RNF24: variants seen among roughly 807,000 people sequenced by gnomAD.
RNF24 encodes the protein ring finger protein 24.
In RNF24, 14 loss-of-function variants were observed where a neutral mutation model predicts 20.0. That is an observed-to-expected ratio of 0.70 (90% CI 0.46 to 1.10). The LOEUF (loss-of-function observed/expected upper bound fraction) is 1.10, where lower values mean the gene tolerates loss of function less well. Ranked by LOEUF, RNF24 falls within the 50% of genes least tolerant of loss-of-function variation. The pLI, the probability that RNF24 is intolerant of heterozygous loss-of-function variation, is 0.00. For missense variants in RNF24, 124 were observed against 177.6 expected (o/e 0.70, Z 1.71); for synonymous variants, 45 against 61.1 (o/e 0.74, Z 1.23).
intron 4 of RNF24, among the ~76,000 whole-genome samples, chr20:3,941,086 C>CAA (rs2090949592): frequency 6.6e-6 from 1 of 152,124 alleles, no homozygotes; most frequent in African/African-American, 2.4e-5. Flanking sequence ...TGCAGTGGCG[C>CAA]AATCAAGGCT....
intron 1 of RNF24, among the ~76,000 whole-genome samples, chr20:3,970,903 A>C (rs1172791849): frequency 6.6e-6 from 1 of 152,010 alleles, no homozygotes; most frequent in Non-Finnish European, 1.5e-5. Flanking sequence ...AAAATTATCC[A>C]GGCATGGTGG....
chr20:3,943,197 T>C (rs2090977990), intron 4 of RNF24, among the ~76,000 whole-genome samples: 1 of 152,022 alleles, frequency 6.6e-6, no homozygotes, highest in East Asian at 1.9e-4. Context: ...AATAAATAAA[T>C]AGACATAATG....
intron 1 of RNF24, among the ~76,000 whole-genome samples, chr20:3,983,878 C>T (rs113290538): frequency 0.14 from 19,719 of 136,056 alleles, 1,502 homozygotes; most frequent in Non-Finnish European, 0.18. Flanking sequence ...GAGGTGGAGG[C>T]TGCAGTGAGC....
In RNF24 at chr20:3,942,972, C is replaced by T. The variant is rs553429080; in HGVS notation, c.228+2205G>A. ...CTGGGATTACAGGTGTCCATCACCGCGCCTGGCTCATTTTTGTATTTTTGG... is the reference window on the plus strand; with the variant it reads ...CTGGGATTACAGGTGTCCATCACCGTGCCTGGCTCATTTTTGTATTTTTGG... On this transcript the variant is annotated intron_variant, in intron 4 of 5. Coordinates refer to ENST00000358395, the MANE Select transcript of RNF24 (RefSeq NM_001134337.3). Among the ~76,000 whole-genome samples, 58 of 152,128 alleles carry T rather than the reference C, an allele frequency of 3.8e-4. 2 individuals carry two copies. In the South Asian group the frequency reaches 0.012, roughly 30 times the overall value.
At chr20:3,999,750 T>C (rs60568154) in intron 1 of RNF24, among the ~76,000 whole-genome samples, 2,571 of 152,318 alleles carry the variant, frequency 0.017, 71 homozygotes, top group African/African-American at 0.058. Flanking sequence ...GGCGAAACTC[T>C]GTCTCAAAAC....
At chr20:3,974,049 G>A (rs1484257708) in intron 1 of RNF24, among the ~76,000 whole-genome samples, 1 of 149,912 alleles carries the variant, frequency 6.7e-6, no homozygotes, top group African/African-American at 2.4e-5. Flanking sequence ...AGAGATGCGG[G>A]GCTGGCTTAA....
At chr20:3,935,725 G>A (rs375806951) in intron 4 of RNF24, among the ~76,000 whole-genome samples, 1 of 152,228 alleles carries the variant, frequency 6.6e-6, no homozygotes, top group East Asian at 1.9e-4. Context: ...TCGTACCCAG[G>A]GGCTGGGTTC....
intron 2 of RNF24, among the ~76,000 whole-genome samples, chr20:3,953,591 T>C (rs1171547227): frequency 7.0e-6 from 1 of 143,154 alleles, no homozygotes; most frequent in African/African-American, 2.6e-5. Flanking sequence ...CAGCCTCCCA[T>C]GTAGCTGGGA....
chr20:3,945,861 A>G (rs1298631905), intron 3 of RNF24, among the ~76,000 whole-genome samples: 5 of 152,210 alleles, frequency 3.3e-5, no homozygotes, highest in Non-Finnish European at 5.9e-5. Context: ...AGCTTATTAG[A>G]GTTATATTTC....
chr20:3,943,517 C>G (rs1203873718), intron 4 of RNF24, among the ~76,000 whole-genome samples: 2 of 151,922 alleles, frequency 1.3e-5, no homozygotes, highest in Non-Finnish European at 2.9e-5. Context: ...AATGGAGAAT[C>G]CAGAAATACA....
rs1002781079 is a variant in RNF24, at chr20:3,933,367, T to C, written c.*696A>G. The stretch of plus-strand genomic sequence containing the variant: ...TGTGGACTCAGGGCCCACTCCCTGC[T>C]GGGGCTCTGGACGGGCCTTACTGGT... On this transcript the variant is annotated 3_prime_UTR_variant, in exon 6 of 6. Transcript: ENST00000358395. 26 of 396,630 alleles carry C rather than the reference T, an allele frequency of 6.6e-5. No individual in the cohort carries two copies. Among genetic ancestry groups the C allele is most frequent in the Non-Finnish European group, 1.1e-4 (24 of 225,424 alleles). 24.6% of individuals were successfully genotyped at this position (396,630 alleles called of 1,614,324 possible).
intron 1 of RNF24, among the ~76,000 whole-genome samples, chr20:4,003,047 G>GCAA (rs756150465): frequency 4.6e-5 from 7 of 152,174 alleles, no homozygotes; most frequent in Non-Finnish European, 7.4e-5. Flanking sequence ...TCAGAACACT[G>GCAA]CAACCTCTGC....
intron 4 of RNF24, 34 bp from the exon 5 acceptor site, chr20:3,935,107 C>T (rs780751213): frequency 1.3e-6 from 2 of 1,586,930 alleles, no homozygotes; most frequent in African/African-American, 2.7e-5. Flanking sequence ...AGCCAAGTGT[C>T]TGTTAAGTAC....
At position 3,932,551 on chromosome 20, in the gene RNF24, C is replaced by A. The variant is rs1162577340; in HGVS notation, c.*1512G>T. On this transcript the variant is annotated 3_prime_UTR_variant, in exon 6 of 6. Transcript: ENST00000358395. ...GGACAGGTTCCTTCTCCTAAGAGGA[C>A]AGAGGTTGGATTCCAGAAAAAAATC... is the stretch of plus-strand genomic sequence containing the variant. The A allele has an allele frequency of 5.5e-6, 1 of 182,364 alleles. No individual in the cohort carries two copies. The highest frequency in any genetic ancestry group is 2.3e-5 in the African/African-American group (1 of 42,844). The allele number at this position is 182,364 out of a possible 1,614,324, so 11.3% of individuals were successfully genotyped here.
intron 2 of RNF24, among the ~76,000 whole-genome samples, chr20:3,951,247 G>A (rs1020005966): frequency 6.6e-6 from 1 of 152,114 alleles, no homozygotes; most frequent in Non-Finnish European, 1.5e-5. Context: ...GTGAGCCACC[G>A]CACCAGGCCA....
rs537910696 is a variant in RNF24 at position 3,972,908 on chromosome 20, A to G, written c.-7-8884T>C. 4.3e-3 allele frequency among the ~76,000 whole-genome samples: 618 copies of G among 142,748 alleles called. 1 individual carries two copies. The highest frequency in any genetic ancestry group is 7.0e-3 in the Admixed American group (100 of 14,224). The allele number at this position is 142,748 out of a possible 152,430, so 93.6% of individuals were successfully genotyped here. A position where few individuals can be genotyped will look rare whatever the true frequency, so the allele number is the denominator to read the frequency against. On this transcript the variant is annotated intron_variant, in intron 1 of 5. Transcript: ENST00000358395. ...ACAGAGTGAGACTCCGTCTCAGTTT[A>G]AAAAAAAAAAAGGGCTGGACGGGAT...
intron 2 of RNF24, among the ~76,000 whole-genome samples, chr20:3,961,736 TA>T (rs1359964500): frequency 6.6e-6 from 1 of 151,994 alleles, no homozygotes; most frequent in Non-Finnish European, 1.5e-5. Flanking sequence ...TTTGCCTCTT[TA>T]AAAAATAATT....
chr20:3,989,660 A>G (rs6052219), intron 1 of RNF24, among the ~76,000 whole-genome samples: 20,320 of 152,154 alleles, frequency 0.13, 1,536 homozygotes, highest in Non-Finnish European at 0.17. Context: ...TTGTGGGTAG[A>G]GTCATGTGAC....
chr20:3,954,422 T>C (rs1312452520), intron 2 of RNF24, among the ~76,000 whole-genome samples: 1 of 152,234 alleles, frequency 6.6e-6, no homozygotes, highest in African/African-American at 2.4e-5. Context: ...ACTTCACTTC[T>C]TTTTATGGCT....
Sources: gnomAD v4.1 joint callset for allele counts (sites outside exome capture counted in the v4.1 genomes callset) on GRCh38, gnomAD v4.1.1 for gene constraint, MANE v1.5 for transcripts, NCBI Gene and HGNC (gene_info 2026-07-23, HGNC 2026-07-21) for gene names.